UNC5C: variants seen among roughly 807,000 people sequenced by gnomAD.
UNC5C encodes unc-5 netrin receptor C, also known as netrin receptor UNC5C.
In UNC5C, 47 loss-of-function variants were observed where a neutral mutation model predicts 99.8. The ratio of observed to expected loss-of-function variants is 0.47; its 90% CI spans 0.37 to 0.60. UNC5C has a LOEUF of 0.60. Among genes scored for constraint, UNC5C ranks in the 20% least tolerant of loss-of-function variants. The probability of loss-of-function intolerance (pLI) is 0.00; values close to 1 mark genes in which losing one functional copy is unlikely to be tolerated. For missense variants in UNC5C, 1,062 were observed against 1,165.9 expected (o/e 0.91, Z 1.30); for synonymous variants, 487 against 452.2 (o/e 1.08, Z -0.98).
At chr4:95,235,556 C>T (rs994099712) in intron 7 of UNC5C, among the ~76,000 whole-genome samples, 1 of 152,102 alleles carries the variant, frequency 6.6e-6, no homozygotes, top group Non-Finnish European at 1.5e-5. Context: ...GAAGTCCTTG[C>T]CCATGCCTAT....
chr4:95,336,661 T>A (rs1386504245), intron 1 of UNC5C, among the ~76,000 whole-genome samples: 1 of 151,864 alleles, frequency 6.6e-6, no homozygotes, highest in Non-Finnish European at 1.5e-5. Flanking sequence ...ATTCAAGTCA[T>A]AAGATAGCTG....
At chr4:95,421,557 C>A (rs1746320848) in intron 1 of UNC5C, among the ~76,000 whole-genome samples, 1 of 149,672 alleles carries the variant, frequency 6.7e-6, no homozygotes, top group Non-Finnish European at 1.5e-5. Context: ...ATATTTCATT[C>A]AAAACAAGAA....
chr4:95,191,848 G>C (rs1737115538), intron 12 of UNC5C, among the ~76,000 whole-genome samples: 1 of 96,996 alleles, frequency 1.0e-5, no homozygotes, highest in South Asian at 3.8e-4. Context: ...CCTCTGCTCA[G>C]CCTCCTCCCA....
At chr4:95,219,736 C>T (rs549273050) in intron 8 of UNC5C, among the ~76,000 whole-genome samples, 1 of 152,240 alleles carries the variant, frequency 6.6e-6, no homozygotes, top group Admixed American at 6.5e-5. Flanking sequence ...GTCAACCAAT[C>T]AGGGTACTCT....
At chr4:95,216,335 C>T (rs1579238812) in intron 9 of UNC5C, 124 bp from the exon 10 acceptor site, 8 of 682,220 alleles carry the variant, frequency 1.2e-5, no homozygotes, top group South Asian at 9.7e-5. Flanking sequence ...GTAAATATTC[C>T]GAGTTGCTCC....
chr4:95,369,893 T>C (rs534250973), intron 1 of UNC5C, among the ~76,000 whole-genome samples: 4,229 of 142,362 alleles, frequency 0.03, 160 homozygotes, highest in African/African-American at 0.1. Context: ...TAGCCCCCCC[T>C]TTTTTTTTTC....
In UNC5C at chr4:95,216,231, A is replaced by G. The variant is rs1738244239; in HGVS notation, c.1646-20T>C. 6.2e-7 allele frequency: 1 copy of G among 1,603,044 alleles called. No homozygotes were observed. The highest frequency in any genetic ancestry group is 1.3e-5 in the African/African-American group (1 of 74,702). ...TGACTCCTGAATAGCAAAAGAGAAA[A>G]GCAGTCATTTAAGACTTTTGCAGCA... On this transcript the variant is annotated intron_variant, in intron 9 of 15. Transcript: ENST00000453304.
At chr4:95,177,042 A>T (rs1736390001) in intron 14 of UNC5C, among the ~76,000 whole-genome samples, 1 of 152,286 alleles carries the variant, frequency 6.6e-6, no homozygotes, top group South Asian at 2.1e-4. Flanking sequence ...TGACTAGGAA[A>T]GGGAACTCCC....
At chr4:95,198,219 C>A (rs113100318) in intron 12 of UNC5C, among the ~76,000 whole-genome samples, 88 of 152,132 alleles carry the variant, frequency 5.8e-4, no homozygotes, top group African/African-American at 2.0e-3. Flanking sequence ...GAACTCCTGA[C>A]CTCAGGTGAT....
At chr4:95,537,915 A>G (rs1215446498) in intron 1 of UNC5C, among the ~76,000 whole-genome samples, 1 of 152,190 alleles carries the variant, frequency 6.6e-6, no homozygotes, top group African/African-American at 2.4e-5. Flanking sequence ...AAAGTAAAAA[A>G]AATCACTTCA....
At chr4:95,454,395 T>C (rs1331815537) in intron 1 of UNC5C, among the ~76,000 whole-genome samples, 2 of 152,134 alleles carry the variant, frequency 1.3e-5, no homozygotes, top group African/African-American at 2.4e-5. Flanking sequence ...ACTAGATACC[T>C]AGAGCAAGTT....
At chr4:95,276,285 AT>A (rs1002607222) in intron 4 of UNC5C, among the ~76,000 whole-genome samples, 1 of 152,188 alleles carries the variant, frequency 6.6e-6, no homozygotes, top group Non-Finnish European at 1.5e-5. Context: ...ACTTTAAAAA[AT>A]GAAAAAGAAA....
chr4:95,271,182 T>C (rs1468404744), intron 4 of UNC5C, among the ~76,000 whole-genome samples: 1 of 152,220 alleles, frequency 6.6e-6, no homozygotes, highest in Non-Finnish European at 1.5e-5. Context: ...GCTGAATCTC[T>C]ACTGAGATAG....
chr4:95,451,994 A>C (rs1375964838), intron 1 of UNC5C, among the ~76,000 whole-genome samples: 2 of 152,188 alleles, frequency 1.3e-5, no homozygotes, highest in Non-Finnish European at 2.9e-5. Flanking sequence ...AGTAACAAAA[A>C]GCAACCAAAC....
At chr4:95,545,842 A>G (rs184361890) in intron 1 of UNC5C, among the ~76,000 whole-genome samples, 1 of 152,228 alleles carries the variant, frequency 6.6e-6, no homozygotes, top group Admixed American at 6.5e-5. Flanking sequence ...CACAAACACT[A>G]CAAATTCCCT....
At chr4:95,447,503 A>T (rs12646148) in intron 1 of UNC5C, among the ~76,000 whole-genome samples, 31,320 of 151,888 alleles carry the variant, frequency 0.21, 3,631 homozygotes, top group Admixed American at 0.32. Flanking sequence ...TTATTTATTT[A>T]TTTTTTTATT....
chr4:95,481,524 G>T (rs1390523021), intron 1 of UNC5C, among the ~76,000 whole-genome samples: 1 of 151,800 alleles, frequency 6.6e-6, no homozygotes, highest in Non-Finnish European at 1.5e-5. Flanking sequence ...AAGTTCATAT[G>T]GAACCAAAAA....
rs539035472 is a variant in UNC5C, at chr4:95,518,249, A to G, written c.124+30485T>C. ...AAACAAGGCCCATTTTCTCACTCCAAATAAATCATGGACTATCTAGCACCC... is the reference window on the plus strand; with the variant it reads ...AAACAAGGCCCATTTTCTCACTCCAGATAAATCATGGACTATCTAGCACCC... On this transcript the variant is annotated intron_variant, in intron 1 of 15. Transcript: ENST00000453304. Among the ~76,000 whole-genome samples, 7 of 152,246 alleles carry G rather than the reference A, an allele frequency of 4.6e-5. No homozygotes were observed. In the South Asian group the frequency reaches 1.5e-3, roughly 32 times the overall value.
intron 1 of UNC5C, among the ~76,000 whole-genome samples, chr4:95,523,806 C>T (rs1211327342): frequency 6.6e-6 from 1 of 152,058 alleles, no homozygotes; most frequent in Non-Finnish European, 1.5e-5. Context: ...ACAATGTTAC[C>T]TTTAGAAATA....
Sources: gnomAD v4.1 joint callset for allele counts (sites outside exome capture counted in the v4.1 genomes callset) on GRCh38, gnomAD v4.1.1 for gene constraint, MANE v1.5 for transcripts, NCBI Gene and HGNC (gene_info 2026-07-23, HGNC 2026-07-21) for gene names.